The following LRBA variants were observed in gnomAD, a reference collection of about 807,000 sequenced individuals.
LRBA encodes LPS responsive beige-like anchor protein.
LRBA carries 176 observed loss-of-function variants against 330.0 expected under a neutral mutation model. The ratio of observed to expected loss-of-function variants is 0.53; its 90% CI spans 0.47 to 0.60. LRBA has a LOEUF of 0.60. LRBA is among the 20% of genes least tolerant of loss of function. LRBA has a pLI of 0.00. For synonymous variants in LRBA, 1,230 were observed against 1,193.0 expected (o/e 1.03, Z -0.64); for missense variants, 3,259 against 3,444.8 (o/e 0.95, Z 1.35).
intron 52 of LRBA, among the ~76,000 whole-genome samples, chr4:150,303,855 G>T (rs1257420475): frequency 1.3e-5 from 2 of 151,482 alleles, no homozygotes; most frequent in African/African-American, 4.9e-5. Flanking sequence ...TTACAGGCGT[G>T]AGCCACCGTG....
intron 48 of LRBA, among the ~76,000 whole-genome samples, chr4:150,343,207 C>T (rs6535730): frequency 0.75 from 113,206 of 151,940 alleles, 44,285 homozygotes; most frequent in Non-Finnish European, 0.89. Context: ...TCCCTGGTGC[C>T]CTTGTTTAGC....
chr4:150,317,062 A>T lies in LRBA; in HGVS notation c.7631-1439T>A, dbSNP rs533052881. On this transcript the variant is annotated intron_variant, in intron 50 of 56. Transcript: ENST00000651943. ...TAATGAGGTCCTATGTGAAACCTAG[A>T]TCAAACTCAGCACCATGTTGGGTCC... 3.9e-5 allele frequency among the ~76,000 whole-genome samples: 6 copies of T among 152,200 alleles called. No individual in the cohort carries two copies. The South Asian group carries it at 1.2e-3, about 32-fold the overall frequency.
At chr4:150,513,523 T>C (rs532613285) in intron 40 of LRBA, among the ~76,000 whole-genome samples, 7 of 152,258 alleles carry the variant, frequency 4.6e-5, no homozygotes, top group African/African-American at 1.7e-4. Flanking sequence ...CCTGGGTCTG[T>C]TCATGATGCC....
rs570015782 is a variant in LRBA, at chr4:150,880,023, C to T, written c.2166-7268G>A. Among the ~76,000 whole-genome samples the T allele has an allele frequency of 4.6e-5, 7 of 152,298 alleles. No individual in the cohort carries two copies. The South Asian group carries it at 1.5e-3, about 32-fold the overall frequency. ...TATAAGGCTACAGTGACCAAAACAG[C>T]ATGGTACTGGTATAAAAACAGACAC... On this transcript the variant is annotated intron_variant, in intron 17 of 56. Transcript: ENST00000651943.
At chr4:150,294,290 C>T (rs914660021) in intron 53 of LRBA, among the ~76,000 whole-genome samples, 2 of 152,140 alleles carry the variant, frequency 1.3e-5, no homozygotes, top group African/African-American at 2.4e-5. Context: ...TTGTGTCTCT[C>T]GCAAATACTA....
chr4:150,442,908 G>A (rs1752020325), intron 44 of LRBA, among the ~76,000 whole-genome samples: 1 of 152,100 alleles, frequency 6.6e-6, no homozygotes, highest in African/African-American at 2.4e-5. Flanking sequence ...TAATGATTTG[G>A]TCTGAGAAGA....
chr4:150,955,475 C>G (rs902354519), intron 2 of LRBA, among the ~76,000 whole-genome samples: 2 of 148,808 alleles, frequency 1.3e-5, no homozygotes, highest in Non-Finnish European at 2.9e-5. Flanking sequence ...GGAGCCAAGC[C>G]ATGTCCGGTG....
chr4:150,517,286 CCAAGA>C (rs1272126236), intron 40 of LRBA, among the ~76,000 whole-genome samples: 25 of 152,204 alleles, frequency 1.6e-4, no homozygotes, highest in Non-Finnish European at 2.5e-4. Context: ...CTTTAGGAGG[CCAAGA>C]CAGGAAGACT....
chr4:150,837,485 T>G (rs1748307050), intron 28 of LRBA, among the ~76,000 whole-genome samples: 1 of 152,222 alleles, frequency 6.6e-6, no homozygotes, highest in African/African-American at 2.4e-5. Flanking sequence ...ACTCCTGTAT[T>G]GGGTGCATAT....
Position 150,906,400 on chromosome 4 carries a change from G to C in LRBA, c.1499C>G (p.Thr500Ser), listed in dbSNP as rs1457941090. 6.3e-7 allele frequency: 1 copy of C among 1,580,706 alleles called. No individual in the cohort carries two copies. Among genetic ancestry groups the C allele is most frequent in the South Asian group, 1.1e-5 (1 of 88,104 alleles). The change falls in exon 12 of 57, where the codon ACC (threonine) becomes AGC (serine). Residue 500 changes from threonine (T) to serine (S), a missense_variant. By Grantham distance (58) the Thr-to-Ser change is moderately conservative (BLOSUM62 1). Transcript: ENST00000651943. ...SDEIDLTICS[T>S]LLAFIMELLK... Reference sequence around the variant, plus strand: ...CAATTCCATGATAAAGGCCAGCAAGGTTGAACTAGAATTTTTTAAAAAGGC... The same window carrying C: ...CAATTCCATGATAAAGGCCAGCAAGCTTGAACTAGAATTTTTTAAAAAGGC...
chr4:150,596,453 T>C (rs1773496183), intron 38 of LRBA, among the ~76,000 whole-genome samples: 1 of 151,876 alleles, frequency 6.6e-6, no homozygotes, highest in South Asian at 2.1e-4. Flanking sequence ...GTTCTAAGAT[T>C]CTGCATTTTT....
chr4:150,584,957 T>C (rs1561389734), intron 40 of LRBA, among the ~76,000 whole-genome samples: 1 of 152,160 alleles, frequency 6.6e-6, no homozygotes, highest in Non-Finnish European at 1.5e-5. Context: ...ACTTCACGCT[T>C]GGGAAAAAAG....
At chr4:150,450,198 T>C (rs192270890) in intron 44 of LRBA, among the ~76,000 whole-genome samples, 1 of 152,332 alleles carries the variant, frequency 6.6e-6, no homozygotes, top group African/African-American at 2.4e-5. Context: ...AGAGGGACAT[T>C]GCATAATGAA....
intron 28 of LRBA, among the ~76,000 whole-genome samples, chr4:150,843,179 G>C (rs546422264): frequency 6.6e-6 from 1 of 152,090 alleles, no homozygotes; most frequent in South Asian, 2.1e-4. Context: ...AGAGCATCCA[G>C]TATCATGTTT....
chr4:150,639,360 T>TAAAAAAAAAAAAAAGAAAAAAAAAAAA (rs371245495), intron 37 of LRBA, among the ~76,000 whole-genome samples: 1 of 106,690 alleles, frequency 9.4e-6, no homozygotes, highest in Non-Finnish European at 1.8e-5. Flanking sequence ...TAAAGTATAA[T>TAAAAAAAAAAAAAAGAAAAAAAAAAAA]AAAAAAAAAA....
At chr4:150,867,331 T>A (rs1402160475) in intron 22 of LRBA, among the ~76,000 whole-genome samples, 7 of 152,090 alleles carry the variant, frequency 4.6e-5, no homozygotes, top group African/African-American at 1.2e-4. Context: ...CAGGGCTTCC[T>A]CGAAAAAAAA....
At chr4:150,971,182 C>T (rs1203315987) in intron 2 of LRBA, among the ~76,000 whole-genome samples, 1 of 152,214 alleles carries the variant, frequency 6.6e-6, no homozygotes, top group Non-Finnish European at 1.5e-5. Flanking sequence ...ATGGTTGCTA[C>T]TACTTTTCTC....
intron 28 of LRBA, among the ~76,000 whole-genome samples, chr4:150,835,052 T>G (rs1300224921): frequency 6.6e-6 from 1 of 152,240 alleles, no homozygotes; most frequent in Non-Finnish European, 1.5e-5. Context: ...CACCATTTAT[T>G]AAATAGGGAA....
At chr4:150,357,665 T>TAAA (rs781495242) in intron 47 of LRBA, among the ~76,000 whole-genome samples, 151 of 146,640 alleles carry the variant, frequency 1.0e-3, no homozygotes, top group Admixed American at 2.7e-3. Flanking sequence ...TTTTTTTTTT[T>TAAA]AAAAAAAACC....
Sources: gnomAD v4.1 joint callset for allele counts (sites outside exome capture counted in the v4.1 genomes callset) on GRCh38, gnomAD v4.1.1 for gene constraint, MANE v1.5 for transcripts, NCBI Gene and HGNC (gene_info 2026-07-23, HGNC 2026-07-21) for gene names.